Variants in CSMD3 observed in about 807,000 individuals in gnomAD.
CSMD3 encodes CUB and Sushi multiple domains 3, also known as CUB and sushi domain-containing protein 3.
CSMD3 carries 177 observed loss-of-function variants against 435.2 expected under a neutral mutation model. The ratio of observed to expected loss-of-function variants is 0.41; its 90% CI spans 0.36 to 0.46. CSMD3 has a LOEUF of 0.46. Among genes scored for constraint, CSMD3 ranks in the 20% least tolerant of loss-of-function variants. The probability of loss-of-function intolerance (pLI) is 0.34; values close to 1 mark genes in which losing one functional copy is unlikely to be tolerated. For missense variants in CSMD3, 4,265 were observed against 4,504.6 expected (o/e 0.95, Z 1.52); for synonymous variants, 1,656 against 1,520.5 (o/e 1.09, Z -2.07).
intron 27 of CSMD3, among the ~76,000 whole-genome samples, chr8:112,534,878 A>C (rs1365598322): frequency 1.3e-5 from 2 of 152,190 alleles, no homozygotes; most frequent in Non-Finnish European, 2.9e-5. Context: ...GGTTCAATAT[A>C]TGCAAATCAA....
At chr8:113,090,342 TTG>T (rs1246606494) in intron 5 of CSMD3, among the ~76,000 whole-genome samples, 3 of 151,958 alleles carry the variant, frequency 2.0e-5, no homozygotes, top group Non-Finnish European at 4.4e-5. Flanking sequence ...ATTCAGAAAA[TTG>T]TCTTATTAAG....
chr8:113,227,562 G>T (rs550673156), intron 3 of CSMD3, among the ~76,000 whole-genome samples: 1 of 151,722 alleles, frequency 6.6e-6, no homozygotes, highest in African/African-American at 2.4e-5. Flanking sequence ...GAGGTACCTG[G>T]TGGGAGGTGA....
chr8:112,802,108 T>C (rs1728955571), intron 12 of CSMD3, among the ~76,000 whole-genome samples: 1 of 151,928 alleles, frequency 6.6e-6, no homozygotes, highest in Admixed American at 6.6e-5. Flanking sequence ...ATATGTCATC[T>C]AAAAATAATA....
Position 112,977,277 on chromosome 8 carries a change from G to A in CSMD3, c.1031-1129C>T, listed in dbSNP as rs567767811. Among the ~76,000 whole-genome samples, 6 of 152,016 alleles carry A rather than the reference G, an allele frequency of 3.9e-5. No individual in the cohort carries two copies. The East Asian group carries it at 9.7e-4, about 25-fold the overall frequency. ...TCATTAGGAATCATAGTCAGATCCC[G>A]GTTGGAAAACTTCTGAATATTTTCT... is the stretch of plus-strand genomic sequence containing the variant. On this transcript the variant is annotated intron_variant, in intron 6 of 70. Coordinates refer to ENST00000297405, the MANE Select transcript of CSMD3 (RefSeq NM_198123.2).
chr8:112,359,111 A>C (rs1197127028), intron 38 of CSMD3, among the ~76,000 whole-genome samples: 1 of 152,082 alleles, frequency 6.6e-6, no homozygotes, highest in Non-Finnish European at 1.5e-5. Context: ...TTTATTATTC[A>C]TTTTGTTGTA....
intron 2 of CSMD3, chr8:113,311,525 A>G (rs1563684562): frequency 6.6e-6 from 1 of 152,148 alleles, no homozygotes; most frequent in Non-Finnish European, 1.5e-5. Flanking sequence ...TTCTGGAAGA[A>G]AGAGAACAGC....
chr8:112,828,510 A>G (rs2079766462), intron 12 of CSMD3, among the ~76,000 whole-genome samples: 1 of 151,894 alleles, frequency 6.6e-6, no homozygotes, highest in Non-Finnish European at 1.5e-5. Flanking sequence ...TCCTGCCACC[A>G]TCCTGGCTTC....
chr8:113,166,430 G>A (rs1293008819), intron 4 of CSMD3, among the ~76,000 whole-genome samples: 12 of 152,012 alleles, frequency 7.9e-5, no homozygotes, highest in East Asian at 1.9e-4. Context: ...GCTTGAACCC[G>A]GGAGATGGAG....
intron 10 of CSMD3, among the ~76,000 whole-genome samples, chr8:112,877,515 G>T (rs149197743): frequency 6.6e-6 from 1 of 152,082 alleles, no homozygotes; most frequent in Admixed American, 6.6e-5. Flanking sequence ...TGATCTGCTC[G>T]CCTCAGCCTC....
Position 113,270,351 on chromosome 8 carries a change from A to G in CSMD3, c.514+8241T>C, listed in dbSNP as rs190461077. ...CAGGTGCTGGAGATGATGTGAAGAA[A>G]GAGGAACACTTTTACACTGTTGGTG... On this transcript the variant is annotated intron_variant, in intron 3 of 70. Coordinates refer to ENST00000297405, the MANE Select transcript of CSMD3 (RefSeq NM_198123.2). Among the ~76,000 whole-genome samples the G allele has an allele frequency of 3.3e-3, 500 of 151,462 alleles. 2 individuals are homozygous for G. Among genetic ancestry groups the G allele is most frequent in the African/African-American group, 0.011 (464 of 41,024 alleles).
chr8:112,679,334 C>T (rs1057331554), intron 16 of CSMD3, among the ~76,000 whole-genome samples: 2 of 152,042 alleles, frequency 1.3e-5, no homozygotes, highest in African/African-American at 2.4e-5. Flanking sequence ...CAAGGGCCAC[C>T]CTAAGATTGC....
intron 59 of CSMD3, among the ~76,000 whole-genome samples, chr8:112,279,580 G>A (rs985303448): frequency 7.2e-5 from 11 of 152,010 alleles, no homozygotes; most frequent in African/African-American, 2.7e-4. Context: ...ATTAAAACAA[G>A]GTCTACAGTA....
chr8:112,737,939 T>G (rs2077221583), intron 13 of CSMD3, among the ~76,000 whole-genome samples: 1 of 151,910 alleles, frequency 6.6e-6, no homozygotes, highest in Non-Finnish European at 1.5e-5. Context: ...CCAAGTAGAT[T>G]ATTTATTAAT....
intron 1 of CSMD3, among the ~76,000 whole-genome samples, chr8:113,382,327 A>T (rs942142136): frequency 3.9e-4 from 60 of 152,262 alleles, no homozygotes; most frequent in African/African-American, 1.3e-3. Flanking sequence ...ATCTTATTAC[A>T]GTTTTGCTTT....
rs79312657 is a variant in CSMD3, at chr8:112,362,004, A to G, written c.6137-9470T>C. Among the ~76,000 whole-genome samples, 495 of 152,032 alleles carry G rather than the reference A, an allele frequency of 3.3e-3. 4 individuals are homozygous for G. The highest frequency in any genetic ancestry group is 0.012 in the African/African-American group (482 of 41,536). On this transcript the variant is annotated intron_variant, in intron 38 of 70. Coordinates refer to ENST00000297405, the MANE Select transcript of CSMD3 (RefSeq NM_198123.2). ...ACCTTTAAGGGTTTTAAAAAGATAT[A>G]CCAAAATTATCATTTCACATTCCAC...
intron 67 of CSMD3, among the ~76,000 whole-genome samples, 173 bp downstream of exon 67, chr8:112,237,017 A>T (rs1813651511): frequency 2.0e-5 from 3 of 152,192 alleles, no homozygotes. Flanking sequence ...AGTAATATTC[A>T]TTCATCAATC....
At chr8:112,444,337 C>T (rs1256285654) in intron 32 of CSMD3, among the ~76,000 whole-genome samples, 1 of 152,118 alleles carries the variant, frequency 6.6e-6, no homozygotes, top group African/African-American at 2.4e-5. Flanking sequence ...CCCTGTGACC[C>T]AGCAATTTCA....
At chr8:112,539,585 T>C (rs1826469120) in intron 27 of CSMD3, among the ~76,000 whole-genome samples, 1 of 152,022 alleles carries the variant, frequency 6.6e-6, no homozygotes, top group Non-Finnish European at 1.5e-5. Flanking sequence ...CACAGACGAA[T>C]GGAAGAGGAA....
intron 45 of CSMD3, among the ~76,000 whole-genome samples, chr8:112,328,014 C>A (rs1823673153): frequency 6.6e-6 from 1 of 152,186 alleles, no homozygotes; most frequent in South Asian, 2.1e-4. Context: ...AATTGCCATT[C>A]CTTCTCCAAA....
Sources: allele counts gnomAD v4.1 joint callset (sites outside exome capture counted in the v4.1 genomes callset), GRCh38; gene constraint gnomAD v4.1.1; transcripts MANE v1.5; gene names NCBI Gene and HGNC (gene_info 2026-07-23, HGNC 2026-07-21).